The following SLX4 variants were observed in gnomAD, a reference collection of about 807,000 sequenced individuals.
SLX4 encodes the protein SLX4 structure-specific endonuclease subunit.
A neutral mutation model predicts 146.2 loss-of-function variants in SLX4; 112 were observed. The ratio of observed to expected loss-of-function variants is 0.77; its 90% CI spans 0.66 to 0.90. The LOEUF (loss-of-function observed/expected upper bound fraction) is 0.90, where lower values mean the gene tolerates loss of function less well. Among genes scored for constraint, SLX4 ranks in the 40% least tolerant of loss-of-function variants. SLX4 has a pLI of 0.00. For synonymous variants in SLX4, 1,061 were observed against 997.7 expected (o/e 1.06, Z -1.20); for missense variants, 2,563 against 2,392.7 (o/e 1.07, Z -1.49).
At position 3,597,345 on chromosome 16, in the gene SLX4, A is replaced by G. The variant is rs1224019983; in HGVS notation, c.1683+34T>C. On this transcript the variant is annotated intron_variant, in intron 7 of 14. Transcript: ENST00000294008. This position sits in a 1 kb window ranked among gnomAD's most constrained non-coding sequence, Gnocchi z 4.4. ...TTCTGGGATTGCCAACCTCCCCCAA[A>G]AGCCTATCCATGTGCCTGAGGGGAG... is the stretch of plus-strand genomic sequence containing the variant. 2.7e-6 allele frequency: 4 copies of G among 1,489,748 alleles called. No individual in the cohort carries two copies. In the South Asian group the frequency reaches 4.1e-5, roughly 15 times the overall value. 92.3% of individuals were successfully genotyped at this position (1,489,748 alleles called of 1,614,324 possible). A position where few individuals can be genotyped will look rare whatever the true frequency, so the allele number is the denominator to read the frequency against.
rs773558127 is a variant in SLX4, at chr16:3,597,389, C to A, written c.1673G>T (p.Arg558Leu). The part of the protein sequence containing the change: ...ARLVPPLVPQ[R>L]PAQGLMQEPV... ...AGGGGAGGGACTCACCTGGGCAGGC[C>A]GCTGGGGCACGAGAGGAGGGACCAG... is the stretch of plus-strand genomic sequence containing the variant. The change falls in exon 7 of 15, where the codon CGG becomes CTG. Residue 558 changes from arginine to leucine, a missense_variant. Transcript: ENST00000294008. The surrounding 1 kb of genome is among the most constrained non-coding windows in gnomAD (Gnocchi z 4.4). 3 of 1,574,796 alleles carry A rather than the reference C, an allele frequency of 1.9e-6. No individual in the cohort carries two copies. The highest frequency in any genetic ancestry group is 2.6e-6 in the Non-Finnish European group (3 of 1,159,502).
At position 3,608,812 on chromosome 16, in the gene SLX4, A is replaced by G; in HGVS notation, c.153T>C (p.Phe51=). The change falls in exon 2 of 15, where the codon TTT becomes TTC. Residue 51 remains phenylalanine (F), a synonymous_variant. Transcript: ENST00000294008. The stretch of plus-strand genomic sequence containing the variant: ...GGAAAAAGCTAGCGCAGAGTTCTTT[A>G]AAGTCCTCATCAGACTCATCCATCA... ...GQMMDESDED[F]KELCASFFQR... 3 of 1,614,108 alleles carry G rather than the reference A, an allele frequency of 1.9e-6. No homozygotes were observed. The highest frequency in any genetic ancestry group is 2.5e-6 in the Non-Finnish European group (3 of 1,180,036).
intron 10 of SLX4, among the ~76,000 whole-genome samples, chr16:3,594,163 G>A (rs994666675): frequency 1.1e-4 from 16 of 152,108 alleles, no homozygotes; most frequent in Non-Finnish European, 1.3e-4. Context: ...CACCGCGCCC[G>A]GCCAAACAAT....
Position 3,583,407 on chromosome 16 carries a change from G to A in SLX4, c.4843C>T (p.Gln1615Ter). The A allele has an allele frequency of 6.2e-7, 1 of 1,613,640 alleles. No homozygotes were observed. The highest frequency in any genetic ancestry group is 8.5e-7 in the Non-Finnish European group (1 of 1,179,572). ...TLDSDSEDES[Q>*]SSQPLLQAPH... The stretch of plus-strand genomic sequence containing the variant: ...GCCTGCAACAGCGGCTGTGAGGACT[G>A]GCTCTCGTCCTCGGAGTCTGAGTCC... The change falls in exon 14 of 15, where the codon CAG (glutamine) becomes TAG (stop). Residue 1615 changes from glutamine to a stop codon, truncating the protein, a stop_gained. Coordinates refer to ENST00000294008, the MANE Select transcript of SLX4 (RefSeq NM_032444.4). LOFTEE classifies it high-confidence loss of function.
In SLX4 at chr16:3,600,974, C is replaced by T. The variant is rs762454252; in HGVS notation, c.1163+5G>A. 3.1e-6 allele frequency: 5 copies of T among 1,613,230 alleles called. No homozygotes were observed. Among genetic ancestry groups the T allele is most frequent in the African/African-American group, 1.3e-5 (1 of 74,900 alleles). On this transcript the variant is annotated splice_donor_5th_base_variant and intron_variant, in intron 5 of 14. Transcript: ENST00000294008. ...GCTTGGTTTTCTTCCTTTTCGTCGA[C>T]TTACCTGAACATGGGTGGGCTGCTG...
At chr16:3,591,448 G>A (rs573723594) in intron 11 of SLX4, 138 bp from the exon 12 acceptor site, 12 of 1,295,248 alleles carry the variant, frequency 9.3e-6, no homozygotes, top group Admixed American at 4.1e-5. Context: ...CTTTGAAGAC[G>A]GTGTCCACAC....
intron 8 of SLX4, 68 bp downstream of exon 8, chr16:3,596,085 G>A (rs2151129713): frequency 6.6e-7 from 1 of 1,518,862 alleles, no homozygotes; most frequent in African/African-American, 1.4e-5. Context: ...GTCCATGGCA[G>A]CCTCAGCCGC....
Position 3,589,931 on chromosome 16 carries a change from C to G in SLX4, c.3707G>C (p.Trp1236Ser). Reference sequence around the variant, plus strand: ...GCTGCTCTCACGGTCACAGAACAGCCAGGGAGCCCCTCTCCTGCCCAAAGA... The same window carrying G: ...GCTGCTCTCACGGTCACAGAACAGCGAGGGAGCCCCTCTCCTGCCCAAAGA... The part of the protein sequence containing the change: ...RGSLGRRGAP[W>S]LFCDRESSPS... Residue 1236 changes from tryptophan (W) to serine (S), a missense_variant, in exon 12 of 15, where the codon TGG becomes TCG. Physicochemically the swap from Trp to Ser is radical, Grantham distance 177. Transcript: ENST00000294008. This position sits in a 1 kb window ranked among gnomAD's most constrained non-coding sequence, Gnocchi z 6.2. 2 of 1,613,910 alleles carry G rather than the reference C, an allele frequency of 1.2e-6. No homozygotes were observed. The highest frequency in any genetic ancestry group is 1.7e-6 in the Non-Finnish European group (2 of 1,180,006).
intron 13 of SLX4, 63 bp from the exon 14 acceptor site, chr16:3,583,573 C>G: frequency 1.3e-6 from 2 of 1,583,488 alleles, no homozygotes; most frequent in Non-Finnish European, 1.7e-6. Context: ...TCCACGTTCC[C>G]TATCTTAGCA....
chr16:3,587,917 C>A (rs888449252), intron 12 of SLX4, among the ~76,000 whole-genome samples: 2 of 152,180 alleles, frequency 1.3e-5, no homozygotes, highest in Non-Finnish European at 2.9e-5. Context: ...TTGCCCTCCC[C>A]GGAGGTGCCT....
Position 3,589,067 on chromosome 16 carries a change from G to T in SLX4, c.4571C>A (p.Thr1524Asn), listed in dbSNP as rs747960625. 1.9e-6 allele frequency: 3 copies of T among 1,614,158 alleles called. No homozygotes were observed. The highest frequency in any genetic ancestry group is 2.2e-5 in the South Asian group (2 of 91,090). The change falls in exon 12 of 15, where the codon ACC (threonine) becomes AAC (asparagine). Residue 1524 changes from threonine to asparagine, a missense_variant. Coordinates refer to ENST00000294008, the MANE Select transcript of SLX4 (RefSeq NM_032444.4). This position sits in a 1 kb window ranked among gnomAD's most constrained non-coding sequence, Gnocchi z 6.2. ...WDGEEQRPPE[T>N]PPPAQMPSAG... ...GCTTGGCATCTGGGCCGGAGGAGGG[G>T]TCTCTGGAGGCCTCTGCTCTTCCCC...
intron 5 of SLX4, among the ~76,000 whole-genome samples, chr16:3,600,056 C>T (rs1028871123): frequency 1.3e-5 from 2 of 152,198 alleles, no homozygotes; most frequent in African/African-American, 4.8e-5. Flanking sequence ...GTACCAGGAA[C>T]TGGTTTCATG....
At chr16:3,588,262 C>T (rs538267586) in intron 12 of SLX4, among the ~76,000 whole-genome samples, 56 of 152,372 alleles carry the variant, frequency 3.7e-4, no homozygotes, top group Middle Eastern at 6.8e-3. Flanking sequence ...CCCAGGCCAA[C>T]CACTAACCTG....
chr16:3,590,794 C>T lies in SLX4; in HGVS notation c.2844G>A (p.Ala948=), dbSNP rs376877866. ...ARGAEAPEQE[A]PEEALGHSSC... ...TGGAATGGCCAAGCGCCTCCTCTGG[C>T]GCCTCCTGCTCAGGGGCCTCTGCTC... The change falls in exon 12 of 15, where the codon GCG becomes GCA. Residue 948 remains alanine (A), a synonymous_variant. Coordinates refer to ENST00000294008, the MANE Select transcript of SLX4 (RefSeq NM_032444.4). This position sits in a 1 kb window ranked among gnomAD's most constrained non-coding sequence, Gnocchi z 4.8. 2.7e-4 allele frequency: 431 copies of T among 1,614,012 alleles called. No homozygotes were observed. The Admixed American group carries it at 5.5e-3, about 21-fold the overall frequency.
rs1247754720 is a variant in SLX4, at chr16:3,583,528, G to A, written c.4740-18C>T. 1.2e-6 allele frequency: 2 copies of A among 1,613,666 alleles called. No homozygotes were observed. Among genetic ancestry groups the A allele is most frequent in the Admixed American group, 1.7e-5 (1 of 60,024 alleles). Reference sequence around the variant, plus strand: ...CTCCAAACCTGACGGAGGAACAGGTGGATCTCAGGACCCACCCACACAGCT... The same window carrying A: ...CTCCAAACCTGACGGAGGAACAGGTAGATCTCAGGACCCACCCACACAGCT... On this transcript the variant is annotated intron_variant, in intron 13 of 14. Coordinates refer to ENST00000294008, the MANE Select transcript of SLX4 (RefSeq NM_032444.4).
rs1479336001 is a variant in SLX4, at chr16:3,596,213, C to G, written c.1864G>C (p.Gly622Arg). ...LQDLVDLARE[G>R]LSASPWPGSG... ...CCGGGCCACGGGCTGGCGCTCAGTC[C>G]CTCCCTCGCCAGGTCCACGAGGTCC... The change falls in exon 8 of 15, where the codon GGA becomes CGA. Residue 622 changes from glycine to arginine, a missense_variant. By Grantham distance (125) the Gly-to-Arg change is moderately radical. Transcript: ENST00000294008. 5.8e-6 allele frequency: 9 copies of G among 1,550,330 alleles called. No homozygotes were observed. The highest frequency in any genetic ancestry group is 1.9e-5 in the Admixed American group (1 of 51,752).
intron 10 of SLX4, among the ~76,000 whole-genome samples, chr16:3,593,947 T>C (rs1487565208): frequency 1.3e-5 from 2 of 152,248 alleles, no homozygotes; most frequent in Middle Eastern, 6.8e-3. Context: ...TCTCAGCTCA[T>C]TGGAAGCTCC....
At chr16:3,585,847 G>C (rs1194643456) in intron 12 of SLX4, among the ~76,000 whole-genome samples, 1 of 151,596 alleles carries the variant, frequency 6.6e-6, no homozygotes, top group Non-Finnish European at 1.5e-5. Flanking sequence ...GGGTGTGGTG[G>C]CCCAAGTCAC....
intron 2 of SLX4, among the ~76,000 whole-genome samples, chr16:3,607,892 G>A (rs1317298785): frequency 6.6e-6 from 1 of 152,178 alleles, no homozygotes; most frequent in Non-Finnish European, 1.5e-5. Flanking sequence ...AAGAGAAGCA[G>A]CATTATTGTG....
Sources: allele counts gnomAD v4.1 joint callset (sites outside exome capture counted in the v4.1 genomes callset), GRCh38; gene constraint gnomAD v4.1.1; non-coding constraint Gnocchi (gnomAD v3.1); transcripts MANE v1.5; gene names NCBI Gene and HGNC (gene_info 2026-07-23, HGNC 2026-07-21).